SLC9C2: variants seen among roughly 807,000 people sequenced by gnomAD.
SLC9C2 encodes the protein sodium/hydrogen exchanger 11.
A neutral mutation model predicts 140.2 loss-of-function variants in SLC9C2; 75 were observed. The observed-to-expected ratio is 0.53, with a 90% confidence interval of 0.44 to 0.65. The LOEUF is 0.65. Among genes scored for constraint, SLC9C2 ranks in the 30% least tolerant of loss-of-function variants. The pLI, the probability that SLC9C2 is intolerant of heterozygous loss-of-function variation, is 0.00. For synonymous variants in SLC9C2, 375 were observed against 420.9 expected (o/e 0.89, Z 1.34); for missense variants, 1,074 against 1,331.8 (o/e 0.81, Z 3.01).
chr1:173,569,930 C>G (rs532608729), intron 9 of SLC9C2, among the ~76,000 whole-genome samples: 1 of 152,322 alleles, frequency 6.6e-6, no homozygotes, highest in South Asian at 2.1e-4. Context: ...GAAAGCCTCT[C>G]CCTATGGCCA....
rs750917124 is a variant in SLC9C2 at position 173,593,915 on chromosome 1, T to C, written c.357+3989A>G. On this transcript the variant is annotated intron_variant, in intron 4 of 27. Coordinates refer to ENST00000367714, the MANE Select transcript of SLC9C2 (RefSeq NM_178527.4). The stretch of plus-strand genomic sequence containing the variant: ...ACCTACATTTAATATTTTCAAACCA[T>C]AGTTGACCACAAGTAACTGAAACCT... Among the ~76,000 whole-genome samples, 8 of 152,162 alleles carry C rather than the reference T, an allele frequency of 5.3e-5. No homozygotes were observed. In the East Asian group the frequency reaches 1.5e-3, roughly 29 times the overall value.
chr1:173,593,775 AAAG>A (rs1206022388), intron 4 of SLC9C2, among the ~76,000 whole-genome samples: 4 of 152,218 alleles, frequency 2.6e-5, no homozygotes, highest in Non-Finnish European at 5.9e-5. Flanking sequence ...CAAAAAAGAC[AAAG>A]AAGGGCATTA....
At chr1:173,535,721 AC>A in intron 15 of SLC9C2, 108 bp downstream of exon 15, 1 of 1,276,728 alleles carries the variant, frequency 7.8e-7, no homozygotes, top group Non-Finnish European at 1.0e-6. Flanking sequence ...GTGAAAATAA[AC>A]CATAATATAG....
chr1:173,504,110 AG>A lies in SLC9C2; in HGVS notation c.3311-785del, dbSNP rs1156426701. Among the ~76,000 whole-genome samples the A allele has an allele frequency of 2.0e-5, 3 of 152,284 alleles. No homozygotes were observed. The East Asian group carries it at 5.8e-4, about 30-fold the overall frequency. ...AGTGATTTGAAAGCAGCAGAGCGGC[AG>A]ACCTTCAGAGACTGTGAGCTGGGGA... On this transcript the variant is annotated intron_variant, in intron 26 of 27. Transcript: ENST00000367714.
intron 7 of SLC9C2, among the ~76,000 whole-genome samples, chr1:173,580,495 G>A (rs1318060850): frequency 6.6e-6 from 1 of 152,126 alleles, no homozygotes; most frequent in Non-Finnish European, 1.5e-5. Flanking sequence ...GGAATTACAG[G>A]CGTGCGCCAG....
chr1:173,574,452 T>C lies in SLC9C2; in HGVS notation c.903-1127A>G, dbSNP rs12564328. Among the ~76,000 whole-genome samples, 81 of 151,512 alleles carry C rather than the reference T, an allele frequency of 5.3e-4. 1 individual carries two copies. The East Asian group carries it at 0.012, about 23-fold the overall frequency. ...TGAGTGAGGGGACCTCAAACCCCAG[T>C]GCATAGTTTTCAAAAAATTCAGAAG... On this transcript the variant is annotated intron_variant, in intron 8 of 27. Coordinates refer to ENST00000367714, the MANE Select transcript of SLC9C2 (RefSeq NM_178527.4).
At chr1:173,559,934 G>A (rs755508891) in intron 9 of SLC9C2, among the ~76,000 whole-genome samples, 3 of 152,080 alleles carry the variant, frequency 2.0e-5, no homozygotes, top group Non-Finnish European at 4.4e-5. Flanking sequence ...TCCCCTTCCT[G>A]TTTGTCATAA....
intron 9 of SLC9C2, 97 bp from the exon 10 acceptor site, chr1:173,557,605 T>C (rs1663802494): frequency 8.3e-7 from 1 of 1,204,978 alleles, no homozygotes; most frequent in African/African-American, 1.6e-5. Flanking sequence ...AATATAAAAA[T>C]TTTCGGGAAA....
intron 24 of SLC9C2, among the ~76,000 whole-genome samples, chr1:173,508,408 A>C (rs1659802065): frequency 6.6e-6 from 1 of 152,108 alleles, no homozygotes; most frequent in Non-Finnish European, 1.5e-5. Flanking sequence ...AATTTAAAGG[A>C]CATTCATCTT....
chr1:173,514,381 G>T (rs12074796), intron 23 of SLC9C2, among the ~76,000 whole-genome samples: 8,310 of 152,226 alleles, frequency 0.055, 760 homozygotes, highest in African/African-American at 0.19. Context: ...AGCTCTTCTT[G>T]TTGAATTGAT....
intron 4 of SLC9C2, among the ~76,000 whole-genome samples, chr1:173,595,868 A>G (rs1666422949): frequency 6.6e-6 from 1 of 152,206 alleles, no homozygotes; most frequent in African/African-American, 2.4e-5. Context: ...ATGTAATCAC[A>G]CCACAACTAA....
chr1:173,549,681 C>A (rs546218189), intron 11 of SLC9C2, among the ~76,000 whole-genome samples: 1 of 152,296 alleles, frequency 6.6e-6, no homozygotes, highest in South Asian at 2.1e-4. Context: ...CCGACAAGCA[C>A]CTGTTAAATG....
intron 14 of SLC9C2, 60 bp downstream of exon 14, chr1:173,536,882 A>G: frequency 8.6e-7 from 1 of 1,158,672 alleles, no homozygotes; most frequent in Non-Finnish European, 1.3e-6. Flanking sequence ...CATTTTATTC[A>G]TTCTTCATCA....
At chr1:173,588,497 G>A (rs1293419608) in intron 4 of SLC9C2, among the ~76,000 whole-genome samples, 2 of 151,876 alleles carry the variant, frequency 1.3e-5, no homozygotes, top group African/African-American at 4.8e-5. Context: ...TGACCATTAG[G>A]TCCTTTTATT....
intron 8 of SLC9C2, among the ~76,000 whole-genome samples, chr1:173,575,396 A>G (rs1446942526): frequency 6.6e-6 from 1 of 152,132 alleles, no homozygotes; most frequent in Admixed American, 6.5e-5. Flanking sequence ...TAATTATGTC[A>G]ACAGACAGCA....
At chr1:173,576,476 G>A (rs940089813) in intron 8 of SLC9C2, among the ~76,000 whole-genome samples, 185 bp downstream of exon 8, 3 of 152,186 alleles carry the variant, frequency 2.0e-5, no homozygotes, top group Non-Finnish European at 4.4e-5. Context: ...CATAACAGGA[G>A]TATCAATTAA....
intron 13 of SLC9C2, among the ~76,000 whole-genome samples, chr1:173,542,956 G>A (rs2102034209): frequency 6.6e-6 from 1 of 152,294 alleles, no homozygotes; most frequent in Non-Finnish European, 1.5e-5. Flanking sequence ...CACAAGACAG[G>A]GATGCCCTCT....
chr1:173,525,134 C>T (rs563338523), intron 19 of SLC9C2, among the ~76,000 whole-genome samples: 1 of 152,288 alleles, frequency 6.6e-6, no homozygotes, highest in African/African-American at 2.4e-5. Flanking sequence ...CCCCCATCAG[C>T]TAAGAGAAAA....
intron 25 of SLC9C2, among the ~76,000 whole-genome samples, 165 bp downstream of exon 25, chr1:173,506,691 C>G (rs550972133): frequency 6.6e-5 from 10 of 152,304 alleles, no homozygotes; most frequent in South Asian, 4.1e-4. Flanking sequence ...ACCTGTATTA[C>G]AGTACACAGA....
Sources: allele counts gnomAD v4.1 joint callset (sites outside exome capture counted in the v4.1 genomes callset), GRCh38; gene constraint gnomAD v4.1.1; transcripts MANE v1.5; gene names NCBI Gene and HGNC (gene_info 2026-07-23, HGNC 2026-07-21).